Variants in UGT8 observed in about 807,000 individuals in gnomAD.
UGT8 encodes 2-hydroxyacylsphingosine 1-beta-galactosyltransferase.
In UGT8, 12 loss-of-function variants were observed where a neutral mutation model predicts 40.5. The observed-to-expected ratio is 0.30, with a 90% confidence interval of 0.19 to 0.48. UGT8 has a LOEUF of 0.48. UGT8 is among the 20% of genes least tolerant of loss of function. UGT8 has a pLI of 0.99. For synonymous variants in UGT8, 224 were observed against 240.4 expected, an observed-to-expected ratio of 0.93 and a Z score of 0.63; for missense variants, 513 against 648.7, an observed-to-expected ratio of 0.79 and a Z score of 2.27.
chr4:114,602,066 A>G (rs544354048), intron 1 of UGT8, among the ~76,000 whole-genome samples: 6 of 152,276 alleles, frequency 3.9e-5, no homozygotes, highest in Admixed American at 1.3e-4. Flanking sequence ...GGTGACCTCT[A>G]TATAAAAGGT....
At chr4:114,672,753 C>T (rs1735381134) in intron 5 of UGT8, among the ~76,000 whole-genome samples, 1 of 152,152 alleles carries the variant, frequency 6.6e-6, no homozygotes, top group African/African-American at 2.4e-5. Flanking sequence ...TGTAACAAAC[C>T]TGCACATTCT....
At chr4:114,662,092 CTA>C (rs1316287296) in intron 2 of UGT8, among the ~76,000 whole-genome samples, 12 of 152,282 alleles carry the variant, frequency 7.9e-5, no homozygotes, top group African/African-American at 1.2e-4. Context: ...GATATAGTCT[CTA>C]TTTCTTTTAT....
Position 114,676,140 on chromosome 4 carries a change from C to T in UGT8, c.1478C>T (p.Ser493Phe). The T allele has an allele frequency of 6.2e-7, 1 of 1,614,084 alleles. No homozygotes were observed. The change falls in exon 6 of 6, where the codon TCT becomes TTT. Residue 493 changes from serine to phenylalanine, a missense_variant. Physicochemically the swap from Ser to Phe is radical, Grantham distance 155. Transcript: ENST00000310836. ...GCTGCCTTGTTATACTTTCTCTTGT[C>T]TTGGGTGACAAAATTTATCTACAGA... ...LGAALLYFLL[S>F]WVTKFIYRKI...
intron 2 of UGT8, 55 bp downstream of exon 2, chr4:114,623,757 A>G: frequency 6.6e-7 from 1 of 1,524,864 alleles, no homozygotes; most frequent in Non-Finnish European, 8.8e-7. Context: ...GTCAATTTTG[A>G]TTTTTGGAAG....
chr4:114,676,056 A>T lies in UGT8; in HGVS notation c.1394A>T (p.His465Leu). Residue 465 changes from histidine to leucine, a missense_variant, in exon 6 of 6, where the codon CAT becomes CTT. This residue lies in a region of UGT8 where 175 missense variants were observed against 186.7 expected (regional missense o/e 0.94). Coordinates refer to ENST00000310836, the MANE Select transcript of UGT8 (RefSeq NM_001128174.3). ...NGAHHLRAAV[H>L]QISFCQYFLL... is the part of the protein sequence containing the mutation. The stretch of plus-strand genomic sequence containing the variant: ...GCCCATCACCTACGTGCCGCTGTCC[A>T]TCAGATCTCCTTTTGTCAGTATTTT... 4 of 1,614,206 alleles carry T rather than the reference A, an allele frequency of 2.5e-6. No individual in the cohort carries two copies. Among genetic ancestry groups the T allele is most frequent in the African/African-American group, 1.3e-5 (1 of 75,054 alleles).
intron 2 of UGT8, among the ~76,000 whole-genome samples, chr4:114,633,656 A>G (rs1034642245): frequency 2.6e-5 from 4 of 152,228 alleles, no homozygotes; most frequent in Admixed American, 6.5e-5. Context: ...TAGAAAATCC[A>G]CACTCTGGGC....
chr4:114,672,508 G>C (rs6533805), intron 5 of UGT8, among the ~76,000 whole-genome samples: 149,668 of 152,304 alleles, frequency 0.98, 73,595 homozygotes, highest in Middle Eastern at 1. Context: ...GAGGTAACGT[G>C]CTTTCCAGGG....
chr4:114,599,551 C>A (rs1730309638), intron 1 of UGT8, among the ~76,000 whole-genome samples: 1 of 152,182 alleles, frequency 6.6e-6, no homozygotes, highest in Admixed American at 6.5e-5. Flanking sequence ...TTTCGGGGCC[C>A]GCCGTTTCCG....
chr4:114,663,756 A>C, intron 2 of UGT8: 2 of 985,108 alleles, frequency 2.0e-6, no homozygotes, highest in Non-Finnish European at 2.4e-6. Flanking sequence ...CTGATTTTTT[A>C]AGTTGTTTTT....
chr4:114,615,949 G>A (rs1731395957), intron 1 of UGT8, among the ~76,000 whole-genome samples: 1 of 149,414 alleles, frequency 6.7e-6, no homozygotes, highest in African/African-American at 2.5e-5. Context: ...CTGCCTGATT[G>A]TTCCTCTGGA....
chr4:114,623,717 A>T lies in UGT8; in HGVS notation c.822+15A>T. ...CACTACCAGAAGTAAGGTTTGCCGAATTCCTTGGTAATTCTTTTTTAATGT... is the reference window on the plus strand; with the variant it reads ...CACTACCAGAAGTAAGGTTTGCCGATTTCCTTGGTAATTCTTTTTTAATGT... On this transcript the variant is annotated intron_variant, in intron 2 of 5. Transcript: ENST00000310836. The T allele has an allele frequency of 6.4e-7, 1 of 1,563,702 alleles. No individual in the cohort carries two copies. Among genetic ancestry groups the T allele is most frequent in the East Asian group, 2.3e-5 (1 of 44,274 alleles).
intron 2 of UGT8, among the ~76,000 whole-genome samples, chr4:114,660,971 CAT>C (rs1734495486): frequency 6.6e-6 from 1 of 151,862 alleles, no homozygotes. Context: ...GATAGAACCT[CAT>C]ATTTTTTTCT....
At chr4:114,622,690 G>A (rs1294724258) in intron 1 of UGT8, 189 bp from the exon 2 acceptor site, 1 of 538,748 alleles carries the variant, frequency 1.9e-6, no homozygotes. Context: ...GATGGCCAGT[G>A]ATGGTGAGCA....
chr4:114,624,738 A>C (rs900753621), intron 2 of UGT8, among the ~76,000 whole-genome samples: 2 of 152,160 alleles, frequency 1.3e-5, no homozygotes, highest in Non-Finnish European at 2.9e-5. Context: ...TACGACCTGT[A>C]GGCTTTTCTA....
intron 2 of UGT8, among the ~76,000 whole-genome samples, chr4:114,642,615 G>C (rs1004570556): frequency 6.6e-6 from 1 of 152,032 alleles, no homozygotes; most frequent in East Asian, 1.9e-4. Context: ...GAATAAACTA[G>C]CCCTCATCAC....
In UGT8 at chr4:114,632,440, G is replaced by A. The variant is rs149575945; in HGVS notation, c.822+8738G>A. Among the ~76,000 whole-genome samples, 14 of 152,294 alleles carry A rather than the reference G, an allele frequency of 9.2e-5. No homozygotes were observed. In the East Asian group the frequency reaches 2.7e-3, roughly 29 times the overall value. ...TGCAGGAGGGGAAACTTAAGACCAC[G>A]TGGTGGATACTAACTTCCCTTGATT... is the stretch of plus-strand genomic sequence containing the variant. On this transcript the variant is annotated intron_variant, in intron 2 of 5. Transcript: ENST00000310836.
chr4:114,634,426 T>C (rs189843334), intron 2 of UGT8, among the ~76,000 whole-genome samples: 5 of 152,182 alleles, frequency 3.3e-5, no homozygotes, highest in Admixed American at 1.3e-4. Context: ...GCTTATCGAC[T>C]CTCCAAGGAA....
intron 2 of UGT8, among the ~76,000 whole-genome samples, chr4:114,639,308 G>A (rs957428274): frequency 2.0e-5 from 3 of 152,076 alleles, no homozygotes; most frequent in African/African-American, 7.2e-5. Flanking sequence ...TCAGATACTC[G>A]AAGAACCTGC....
At chr4:114,657,038 T>C (rs942494622) in intron 2 of UGT8, among the ~76,000 whole-genome samples, 5 of 152,176 alleles carry the variant, frequency 3.3e-5, no homozygotes, top group African/African-American at 7.2e-5. Context: ...ATCAAATTTC[T>C]TTTGTAACGT....
Sources: gnomAD v4.1 joint callset for allele counts (sites outside exome capture counted in the v4.1 genomes callset) on GRCh38, gnomAD v4.1.1 for gene constraint, gnomAD v4.1.1 regional missense constraint, MANE v1.5 for transcripts, NCBI Gene and HGNC (gene_info 2026-07-23, HGNC 2026-07-21) for gene names.